The following LPA variants were observed in gnomAD, a reference collection of about 807,000 sequenced individuals.
The protein encoded by LPA is apolipoprotein(a).
In LPA, 199 loss-of-function variants were observed where a neutral mutation model predicts 197.9. That is an observed-to-expected ratio of 1.01 (90% CI 0.90 to 1.13). The LOEUF (loss-of-function observed/expected upper bound fraction) is 1.13, where lower values mean the gene tolerates loss of function less well. Ranked by LOEUF, LPA falls within the 50% of genes most tolerant of loss-of-function variation. The pLI, the probability that LPA is intolerant of heterozygous loss-of-function variation, is 0.00. For missense variants in LPA, 1,853 were observed against 1,785.8 expected (o/e 1.04, Z -0.68); for synonymous variants, 715 against 639.5 (o/e 1.12, Z -1.78).
intron 24 of LPA, among the ~76,000 whole-genome samples, 179 bp from the exon 25 acceptor site, chr6:160,586,809 C>T (rs886675801): frequency 2.0e-5 from 3 of 152,200 alleles, no homozygotes; most frequent in African/African-American, 7.2e-5. Context: ...ATTTCAAAGA[C>T]AGCTTATGAT....
chr6:160,605,180 C>T lies in LPA; in HGVS notation c.2811G>A (p.Val937=). ...GTCCATTTCCGTGGTAGCACTCCTG[C>T]ACCCCAGGCCTTTGCTCAGTTGGTG... The part of the protein sequence containing the change: ...EQAPTEQRPG[V]QECYHGNGQS... The change falls in exon 18 of 39, where the codon GTG becomes GTA. Residue 937 remains valine (V), a synonymous_variant. Transcript: ENST00000316300. 6.2e-7 allele frequency: 1 copy of T among 1,613,916 alleles called. No individual in the cohort carries two copies. The highest frequency in any genetic ancestry group is 8.5e-7 in the Non-Finnish European group (1 of 1,179,896).
At position 160,598,678 on chromosome 6, in the gene LPA, G is replaced by T. The variant is rs41271012; in HGVS notation, c.3287+822C>A. Among the ~76,000 whole-genome samples, 210 of 152,254 alleles carry T rather than the reference G, an allele frequency of 1.4e-3. 1 individual carries two copies. The highest frequency in any genetic ancestry group is 4.8e-3 in the African/African-American group (200 of 41,544). ...ATCGCCCCTTTGCTGACTCTCATCTGCTTTCCTGCCTTTGTTCTTCTCCTC... is the reference window on the plus strand; with the variant it reads ...ATCGCCCCTTTGCTGACTCTCATCTTCTTTCCTGCCTTTGTTCTTCTCCTC... On this transcript the variant is annotated intron_variant, in intron 20 of 38. Transcript: ENST00000316300.
intron 28 of LPA, among the ~76,000 whole-genome samples, chr6:160,567,287 A>C (rs1221320977): frequency 6.6e-6 from 1 of 152,238 alleles, no homozygotes; most frequent in Admixed American, 6.5e-5. Context: ...AAATTATAAC[A>C]AACTGTCTCT....
In LPA at chr6:160,611,594, C is replaced by A. The variant is rs369002488; in HGVS notation, c.2571G>T (p.Ser857=). ...CQAWSSMTPH[S]HSRTPEYYPN... ...GGTAGTATTCTGGGGTCCGACTATG[C>A]GAGTGTGGTGTCATAGATGACCAAG... The change falls in exon 16 of 39, where the codon TCG becomes TCT. Residue 857 remains serine, a synonymous_variant. Transcript: ENST00000316300. 2.5e-6 allele frequency: 4 copies of A among 1,602,790 alleles called. No individual in the cohort carries two copies. The highest frequency in any genetic ancestry group is 1.7e-5 in the Admixed American group (1 of 59,814).
intron 19 of LPA, among the ~76,000 whole-genome samples, chr6:160,600,081 A>G (rs943027447): frequency 1.3e-5 from 2 of 152,072 alleles, no homozygotes; most frequent in Non-Finnish European, 2.9e-5. Context: ...ACATATAAAA[A>G]CCTTGCATGT....
rs1437365037 is a variant in LPA at position 160,599,644 on chromosome 6, GT to G, written c.3142del (p.Thr1048ProfsTer34). The G allele has an allele frequency of 1.2e-6, 2 of 1,614,010 alleles. No individual in the cohort carries two copies. The highest frequency in any genetic ancestry group is 4.5e-5 in the East Asian group (2 of 44,864). On this transcript the variant is annotated frameshift_variant, in exon 20 of 39. Coordinates refer to ENST00000316300, the MANE Select transcript of LPA (RefSeq NM_005577.4). LOFTEE classifies it high-confidence loss of function. ...AFFEQALTEE[T>X]PGVQDCYYHY... ...GTAGTAGCAGTCCTGTACCCCGGGG[GT>G]TTCCTCAGTCAGTGCTGAAATTAAA...
chr6:160,539,713 T>A (rs1240988638), intron 36 of LPA, among the ~76,000 whole-genome samples: 1 of 152,216 alleles, frequency 6.6e-6, no homozygotes, highest in Non-Finnish European at 1.5e-5. Flanking sequence ...CTCTCCAGCA[T>A]ATTATTATGA....
chr6:160,609,862 G>A (rs1224312835), intron 16 of LPA, among the ~76,000 whole-genome samples: 1 of 151,790 alleles, frequency 6.6e-6, no homozygotes, highest in Non-Finnish European at 1.5e-5. Flanking sequence ...CATTCTGTAG[G>A]TTCTGCAGAA....
chr6:160,534,375 T>G (rs1168243628), intron 37 of LPA, among the ~76,000 whole-genome samples: 1 of 152,240 alleles, frequency 6.6e-6, no homozygotes, highest in Non-Finnish European at 1.5e-5. Flanking sequence ...GAGTATGTGC[T>G]GCCATCTCGT....
chr6:160,592,037 T>A (rs956658472), intron 22 of LPA, among the ~76,000 whole-genome samples: 1 of 152,216 alleles, frequency 6.6e-6, no homozygotes, highest in African/African-American at 2.4e-5. Context: ...TCATTGAGCT[T>A]CATGACTATG....
chr6:160,657,398 CT>C (rs56850029), intron 1 of LPA, among the ~76,000 whole-genome samples: 22,926 of 134,496 alleles, frequency 0.17, 1,977 homozygotes, highest in African/African-American at 0.3. Context: ...ACTATTATAA[CT>C]TTTTTTTTTT....
chr6:160,537,415 G>T (rs534729970), intron 37 of LPA, among the ~76,000 whole-genome samples: 2 of 152,226 alleles, frequency 1.3e-5, no homozygotes, highest in South Asian at 4.1e-4. Flanking sequence ...AACTTTTGTC[G>T]TTACTGTTTT....
At chr6:160,541,264 C>T in intron 34 of LPA, 83 bp from the exon 35 acceptor site, 1 of 1,020,478 alleles carries the variant, frequency 9.8e-7, no homozygotes. Context: ...AAGACAAGTT[C>T]ACTCAGTTTT....
At chr6:160,609,806 C>T (rs1779447896) in intron 16 of LPA, among the ~76,000 whole-genome samples, 2 of 151,396 alleles carry the variant, frequency 1.3e-5, no homozygotes, top group South Asian at 4.2e-4. Context: ...TGAGTTTTTG[C>T]ATGTGTGTGT....
intron 18 of LPA, among the ~76,000 whole-genome samples, chr6:160,602,890 G>A (rs752368556): frequency 6.6e-6 from 1 of 151,894 alleles, no homozygotes; most frequent in Non-Finnish European, 1.5e-5. Flanking sequence ...TGTTCTTCTA[G>A]CAAGACACAG....
chr6:160,590,575 A>G (rs1193387154), intron 23 of LPA, among the ~76,000 whole-genome samples: 1 of 152,226 alleles, frequency 6.6e-6, no homozygotes, highest in Admixed American at 6.5e-5. Flanking sequence ...TGCAATGAGT[A>G]CTGTCTACTT....
intron 2 of LPA, among the ~76,000 whole-genome samples, chr6:160,647,612 A>G (rs148606987): frequency 6.6e-6 from 1 of 152,226 alleles, no homozygotes; most frequent in East Asian, 1.9e-4. Flanking sequence ...TATACAACAA[A>G]CCTCAGAGTT....
intron 30 of LPA, among the ~76,000 whole-genome samples, chr6:160,554,326 A>C (rs905739800): frequency 6.6e-6 from 1 of 151,956 alleles, no homozygotes; most frequent in Admixed American, 6.6e-5. Flanking sequence ...CTGCCTCATA[A>C]ATTTTTAAAT....
At chr6:160,633,079 AT>A (rs1779718965) in intron 8 of LPA, among the ~76,000 whole-genome samples, 1 of 112,208 alleles carries the variant, frequency 8.9e-6, no homozygotes, top group Non-Finnish European at 1.8e-5. Flanking sequence ...TGTAGAAACC[AT>A]TTTTCCATGT....
Sources: gnomAD v4.1 joint callset for allele counts (sites outside exome capture counted in the v4.1 genomes callset) on GRCh38, gnomAD v4.1.1 for gene constraint, MANE v1.5 for transcripts, NCBI Gene and HGNC (gene_info 2026-07-23, HGNC 2026-07-21) for gene names.